Variants in DLG5 observed in about 807,000 individuals in gnomAD.
DLG5 encodes the protein discs large MAGUK scaffold protein 5, also known as disks large homolog 5.
DLG5 carries 48 observed loss-of-function variants against 189.8 expected under a neutral mutation model. The observed-to-expected ratio is 0.25, with a 90% confidence interval of 0.20 to 0.32. The LOEUF (loss-of-function observed/expected upper bound fraction) is 0.32. DLG5 is among the 10% of genes least tolerant of loss of function. The pLI is 1.00. For missense variants in DLG5, 2,160 were observed against 2,544.7 expected (o/e 0.85, Z 3.25); for synonymous variants, 1,016 against 1,054.1 (o/e 0.96, Z 0.70).
At chr10:77,810,563 C>G (rs1447114147) in intron 23 of DLG5, among the ~76,000 whole-genome samples, 1 of 152,240 alleles carries the variant, frequency 6.6e-6, no homozygotes, top group East Asian at 1.9e-4. Flanking sequence ...TCTGCTGCTC[C>G]CTCGGCCTGG....
intron 1 of DLG5, among the ~76,000 whole-genome samples, chr10:77,911,472 A>G (rs887419919): frequency 6.6e-6 from 1 of 152,084 alleles, no homozygotes; most frequent in Non-Finnish European, 1.5e-5. Context: ...ATAGAATTAG[A>G]TTTTGTTTCC....
chr10:77,870,794 G>C (rs573376505), intron 1 of DLG5, among the ~76,000 whole-genome samples: 4 of 152,076 alleles, frequency 2.6e-5, no homozygotes, highest in Non-Finnish European at 5.9e-5. Context: ...AAATGGGGGA[G>C]CGGGGCAGGG....
intron 1 of DLG5, among the ~76,000 whole-genome samples, chr10:77,912,931 C>T (rs1053678947): frequency 3.3e-5 from 5 of 152,052 alleles, no homozygotes; most frequent in Admixed American, 6.5e-5. Context: ...TGTGGAGAAC[C>T]CCAGGGAAAC....
intron 30 of DLG5, 143 bp from the exon 31 acceptor site, chr10:77,794,260 G>C: frequency 2.9e-6 from 2 of 689,462 alleles, no homozygotes; most frequent in South Asian, 3.5e-5. Flanking sequence ...ATAAAGCACA[G>C]CAACAGCCTG....
intron 2 of DLG5, 175 bp downstream of exon 2, chr10:77,868,954 C>A: frequency 1.6e-6 from 1 of 621,692 alleles, no homozygotes; most frequent in Non-Finnish European, 2.8e-6. Flanking sequence ...CTCCTTCTAA[C>A]ATCAGAACTG....
chr10:77,875,216 C>T (rs897312733), intron 1 of DLG5, among the ~76,000 whole-genome samples: 4 of 152,224 alleles, frequency 2.6e-5, no homozygotes, highest in African/African-American at 7.2e-5. Context: ...TGCCCGGCTC[C>T]ACAGGGAAGA....
intron 1 of DLG5, among the ~76,000 whole-genome samples, chr10:77,894,203 G>C (rs1202790582): frequency 3.9e-5 from 6 of 152,212 alleles, no homozygotes; most frequent in Admixed American, 3.9e-4. Flanking sequence ...GGGGCTACCT[G>C]TGTGAGCTCT....
intron 1 of DLG5, among the ~76,000 whole-genome samples, chr10:77,870,742 G>A (rs1372668937): frequency 1.3e-5 from 2 of 151,880 alleles, no homozygotes; most frequent in Non-Finnish European, 2.9e-5. Context: ...CACCCTACAC[G>A]CATCTTTGGA....
chr10:77,937,602 A>C, the DLG5 span, among the ~76,000 whole-genome samples: 1 of 152,008 alleles, frequency 6.6e-6, no homozygotes, highest in East Asian at 1.9e-4. Flanking sequence ...TTTAGGTCTC[A>C]GTTTAAAGGT....
chr10:77,880,702 C>T (rs995279608), intron 1 of DLG5, among the ~76,000 whole-genome samples: 4 of 152,318 alleles, frequency 2.6e-5, no homozygotes, highest in South Asian at 2.1e-4. Flanking sequence ...AGGCATCCTA[C>T]ATGGCACAGC....
intron 1 of DLG5, among the ~76,000 whole-genome samples, chr10:77,880,483 A>C (rs1261972323): frequency 1.3e-5 from 2 of 152,092 alleles, no homozygotes; most frequent in African/African-American, 4.8e-5. Context: ...ACAAACAAAC[A>C]AACTGAACAC....
At chr10:77,901,443 G>A (rs1041233927) in intron 1 of DLG5, among the ~76,000 whole-genome samples, 1 of 152,194 alleles carries the variant, frequency 6.6e-6, no homozygotes, top group Non-Finnish European at 1.5e-5. Flanking sequence ...CCTTGGCTGG[G>A]TGCACCTGAG....
intron 5 of DLG5, among the ~76,000 whole-genome samples, chr10:77,847,325 G>A (rs1004017301): frequency 3.9e-5 from 6 of 152,058 alleles, no homozygotes; most frequent in South Asian, 2.1e-4. Flanking sequence ...GGATAGGGTC[G>A]TGCTCACCGG....
chr10:77,827,440 G>T (rs1006266552), intron 13 of DLG5, among the ~76,000 whole-genome samples: 1 of 152,118 alleles, frequency 6.6e-6, no homozygotes, highest in East Asian at 1.9e-4. Flanking sequence ...TCCCCAGGCT[G>T]GTCTCGAACT....
At chr10:77,824,500 CA>C in intron 13 of DLG5, 24 bp from the exon 14 acceptor site, 1 of 1,595,920 alleles carries the variant, frequency 6.3e-7, no homozygotes, top group Non-Finnish European at 8.6e-7. Flanking sequence ...GAGAGCATGT[CA>C]GGCCACAGGC....
chr10:77,816,853 A>ACC lies in DLG5; in HGVS notation c.3874+152_3874+153dup, dbSNP rs1221936776. ...GATGCTAGGCTCTGCATTGCCCCCT[A>ACC]CCCCCCACACCACCAGGCCTACTGC... On this transcript the variant is annotated intron_variant, in intron 19 of 31. Coordinates refer to ENST00000372391, the MANE Select transcript of DLG5 (RefSeq NM_004747.4). 3 of 1,354,052 alleles carry ACC rather than the reference A, an allele frequency of 2.2e-6. No individual in the cohort carries two copies. In the African/African-American group the frequency reaches 4.3e-5, roughly 20 times the overall value. 83.9% of individuals were successfully genotyped at this position (1,354,052 alleles called of 1,614,324 possible). A position where few individuals can be genotyped will look rare whatever the true frequency, so the allele number is the denominator to read the frequency against.
intron 5 of DLG5, among the ~76,000 whole-genome samples, chr10:77,848,080 T>C (rs1339275340): frequency 6.6e-6 from 1 of 152,132 alleles, no homozygotes; most frequent in East Asian, 1.9e-4. Flanking sequence ...CACGGGACAG[T>C]TGGCCTGTGA....
At chr10:77,921,549 C>T (rs1168678577) in intron 1 of DLG5, among the ~76,000 whole-genome samples, 24 of 152,208 alleles carry the variant, frequency 1.6e-4, no homozygotes, top group Non-Finnish European at 4.4e-5. Flanking sequence ...CTCTGCATCC[C>T]CAATTCCCTT....
chr10:77,922,092 T>C (rs1390776205), intron 1 of DLG5, among the ~76,000 whole-genome samples: 8 of 152,104 alleles, frequency 5.3e-5, no homozygotes, highest in Admixed American at 4.6e-4. Flanking sequence ...CTCATGAGCG[T>C]CCCATTCCCC....
Sources: gnomAD v4.1 joint callset for allele counts (sites outside exome capture counted in the v4.1 genomes callset) on GRCh38, gnomAD v4.1.1 for gene constraint, MANE v1.5 for transcripts, NCBI Gene and HGNC (gene_info 2026-07-23, HGNC 2026-07-21) for gene names.